The following SNTG2 variants were observed in gnomAD, a reference collection of about 807,000 sequenced individuals.
The protein encoded by SNTG2 is gamma-2-syntrophin.
SNTG2 carries 74 observed loss-of-function variants against 70.9 expected under a neutral mutation model. That is an observed-to-expected ratio of 1.04 (90% CI 0.86 to 1.27). SNTG2 has a LOEUF of 1.27. SNTG2 is among the 50% of genes most tolerant of loss of function. The pLI is 0.00. For synonymous variants in SNTG2, 278 were observed against 273.8 expected, an observed-to-expected ratio of 1.02 and a Z score of -0.15; for missense variants, 717 against 690.7, an observed-to-expected ratio of 1.04 and a Z score of -0.43.
intron 1 of SNTG2, among the ~76,000 whole-genome samples, chr2:1,063,179 C>T (rs1662934041): frequency 6.6e-6 from 1 of 152,042 alleles, no homozygotes; most frequent in African/African-American, 2.4e-5. Context: ...AAGAAGCATA[C>T]TTTTTTTTAA....
chr2:1,133,030 T>A (rs1668129480), intron 4 of SNTG2, among the ~76,000 whole-genome samples: 1 of 152,342 alleles, frequency 6.6e-6, no homozygotes, highest in Non-Finnish European at 1.5e-5. Flanking sequence ...TAATCAGACA[T>A]GCACAGGTGT....
At chr2:1,357,375 T>C (rs546211604) in intron 16 of SNTG2, among the ~76,000 whole-genome samples, 1 of 152,284 alleles carries the variant, frequency 6.6e-6, no homozygotes, top group East Asian at 1.9e-4. Context: ...TTTTGTTGAA[T>C]GCTTTTCATG....
intron 1 of SNTG2, among the ~76,000 whole-genome samples, chr2:962,726 G>A (rs911967651): frequency 6.6e-6 from 1 of 152,104 alleles, no homozygotes; most frequent in Non-Finnish European, 1.5e-5. Context: ...GTTAAGTAAT[G>A]AAGCCACATA....
chr2:1,015,051 T>C (rs535966337), intron 1 of SNTG2, among the ~76,000 whole-genome samples: 1 of 152,062 alleles, frequency 6.6e-6, no homozygotes, highest in Non-Finnish European at 1.5e-5. Flanking sequence ...TGAAAACCCT[T>C]GGGTGGTGGA....
chr2:1,179,977 T>C (rs1218854938), intron 8 of SNTG2, among the ~76,000 whole-genome samples: 93 of 134,730 alleles, frequency 6.9e-4, no homozygotes, highest in African/African-American at 2.4e-3. Flanking sequence ...AAGGATTCCC[T>C]ATTTAATAAA....
At chr2:1,134,117 T>C (rs1393096258) in intron 4 of SNTG2, among the ~76,000 whole-genome samples, 2 of 152,136 alleles carry the variant, frequency 1.3e-5, no homozygotes, top group Non-Finnish European at 2.9e-5. Flanking sequence ...GTGGTCTCGC[T>C]GGCTTCAGGA....
At chr2:1,054,947 G>GCT (rs1662295793) in intron 1 of SNTG2, among the ~76,000 whole-genome samples, 1 of 150,704 alleles carries the variant, frequency 6.6e-6, no homozygotes. Context: ...TTTTGTTTTT[G>GCT]TTTTTGTTTT....
At chr2:1,146,330 G>A (rs1412046372) in intron 6 of SNTG2, among the ~76,000 whole-genome samples, 1 of 151,954 alleles carries the variant, frequency 6.6e-6, no homozygotes. Flanking sequence ...AAATTACTTA[G>A]GTGTAAATAT....
intron 7 of SNTG2, among the ~76,000 whole-genome samples, chr2:1,166,377 C>T (rs1047143257): frequency 3.3e-5 from 5 of 152,190 alleles, no homozygotes; most frequent in Admixed American, 1.3e-4. Context: ...CGGGTTCCTT[C>T]TCATGGGGGC....
chr2:1,040,202 C>G (rs1422464507), intron 1 of SNTG2, among the ~76,000 whole-genome samples: 1 of 152,172 alleles, frequency 6.6e-6, no homozygotes, highest in African/African-American at 2.4e-5. Context: ...GAATCACCTG[C>G]AGGCAGGATA....
intron 6 of SNTG2, among the ~76,000 whole-genome samples, chr2:1,139,237 C>T (rs7582264): frequency 0.56 from 85,027 of 151,500 alleles, 24,307 homozygotes; most frequent in Middle Eastern, 0.72. Flanking sequence ...TGTTTTGTTT[C>T]ATTTTGTTTT....
rs1659933264 is a variant in SNTG2 at position 950,962 on chromosome 2, C to A, written c.-35C>A. ...ACGGGGTCCTGGCGTTGAGCTCGGC[C>A]GGCCCGGAGCGCGGACCCAGCCGCA... On this transcript the variant is annotated 5_prime_UTR_variant, in exon 1 of 17. Transcript: ENST00000308624. 1.7e-6 allele frequency: 2 copies of A among 1,165,604 alleles called. No homozygotes were observed. Among genetic ancestry groups the A allele is most frequent in the Non-Finnish European group, 1.1e-6 (1 of 931,416 alleles). The allele number at this position is 1,165,604 out of a possible 1,614,324, so 72.2% of individuals were successfully genotyped here.
chr2:1,259,255 G>A (rs1165892949), intron 12 of SNTG2, 115 bp from the exon 13 acceptor site: 1 of 830,136 alleles, frequency 1.2e-6, no homozygotes, highest in Non-Finnish European at 2.0e-6. Flanking sequence ...TATACTAATG[G>A]GGCTTAGGAT....
chr2:1,111,950 G>T (rs910247980), intron 4 of SNTG2, among the ~76,000 whole-genome samples: 6 of 98,596 alleles, frequency 6.1e-5, no homozygotes, highest in Non-Finnish European at 1.4e-4. Context: ...ACTAAGTGAG[G>T]TTTAACCCTT....
chr2:986,438 A>G (rs552038156), intron 1 of SNTG2, among the ~76,000 whole-genome samples: 29 of 152,380 alleles, frequency 1.9e-4, no homozygotes, highest in African/African-American at 4.6e-4. Context: ...CTAACAGATA[A>G]TGCTGATTTA....
At chr2:1,266,046 G>A (rs1415026469) in intron 13 of SNTG2, among the ~76,000 whole-genome samples, 1 of 152,122 alleles carries the variant, frequency 6.6e-6, no homozygotes, top group Non-Finnish European at 1.5e-5. Context: ...TGGGTCCAGA[G>A]AGAGACAGAC....
At chr2:1,226,668 GCTT>G (rs1389723630) in intron 9 of SNTG2, among the ~76,000 whole-genome samples, 1 of 151,958 alleles carries the variant, frequency 6.6e-6, no homozygotes, top group African/African-American at 2.4e-5. Flanking sequence ...ACCAAGCCAG[GCTT>G]CTTATCTTAA....
intron 9 of SNTG2, among the ~76,000 whole-genome samples, chr2:1,237,329 T>C (rs1189844163): frequency 6.6e-6 from 1 of 152,176 alleles, no homozygotes; most frequent in Non-Finnish European, 1.5e-5. Context: ...AGTATGTTTT[T>C]AAAAAATATT....
At chr2:1,132,715 A>G (rs1668107882) in intron 4 of SNTG2, among the ~76,000 whole-genome samples, 1 of 152,118 alleles carries the variant, frequency 6.6e-6, no homozygotes, top group East Asian at 1.9e-4. Flanking sequence ...GCTGAGTGTA[A>G]GCTGTGGAAG....
Sources: gnomAD v4.1 joint callset for allele counts (sites outside exome capture counted in the v4.1 genomes callset) on GRCh38, gnomAD v4.1.1 for gene constraint, MANE v1.5 for transcripts, NCBI Gene and HGNC (gene_info 2026-07-23, HGNC 2026-07-21) for gene names.